FRMD5: variants seen among roughly 807,000 people sequenced by gnomAD.
The protein encoded by FRMD5 is FERM domain-containing protein 5.
FRMD5 carries 20 observed loss-of-function variants against 69.0 expected under a neutral mutation model. The observed-to-expected ratio is 0.29, with a 90% CI of 0.20 to 0.42. The LOEUF is 0.42. FRMD5 is among the 10% of genes least tolerant of loss of function. The pLI, the probability that FRMD5 is intolerant of heterozygous loss-of-function variation, is 1.00. For missense variants in FRMD5, 595 were observed against 708.6 expected (o/e 0.84, Z 1.82); for synonymous variants, 271 against 260.1 (o/e 1.04, Z -0.40).
intron 1 of FRMD5, among the ~76,000 whole-genome samples, chr15:44,020,855 A>AATC (rs940161465): frequency 1.3e-5 from 2 of 152,208 alleles, no homozygotes; most frequent in African/African-American, 4.8e-5. Flanking sequence ...ATCAACATGA[A>AATC]ATCACTGAAC....
chr15:44,037,327 T>C (rs1891962826), intron 1 of FRMD5, among the ~76,000 whole-genome samples: 1 of 152,204 alleles, frequency 6.6e-6, no homozygotes, highest in Admixed American at 6.5e-5. Flanking sequence ...TCATCCTTTT[T>C]TATGGCTGCC....
At position 43,918,109 on chromosome 15, in the gene FRMD5, G is replaced by A. The variant is rs2089426433; in HGVS notation, c.329+1350C>T. 3.3e-5 allele frequency among the ~76,000 whole-genome samples: 5 copies of A among 152,110 alleles called. 1 individual carries two copies. In the South Asian group the frequency reaches 8.3e-4, roughly 25 times the overall value. On this transcript the variant is annotated intron_variant, in intron 4 of 13. Transcript: ENST00000417257. ...GAGAAATTTTTGCTCCTTTCACCTG[G>A]CATGCTCTTTAGATCAGGAAATGAA... is the stretch of plus-strand genomic sequence containing the variant.
chr15:43,984,234 C>T (rs1566879335), intron 1 of FRMD5, among the ~76,000 whole-genome samples: 1 of 152,136 alleles, frequency 6.6e-6, no homozygotes, highest in Non-Finnish European at 1.5e-5. Context: ...AACCTGAAGG[C>T]CAGAGTCTTC....
chr15:43,961,180 G>C (rs1377790790), intron 1 of FRMD5, among the ~76,000 whole-genome samples: 8 of 152,044 alleles, frequency 5.3e-5, no homozygotes, highest in Non-Finnish European at 4.4e-5. Flanking sequence ...GAAGAAAAGA[G>C]AGAAGAATCA....
intron 1 of FRMD5, among the ~76,000 whole-genome samples, chr15:44,018,554 T>C (rs1393883414): frequency 6.6e-6 from 1 of 152,142 alleles, no homozygotes; most frequent in Non-Finnish European, 1.5e-5. Context: ...TGTCACTAAG[T>C]TCTCAATCTA....
At chr15:43,991,471 T>G (rs1889673927) in intron 1 of FRMD5, among the ~76,000 whole-genome samples, 1 of 152,216 alleles carries the variant, frequency 6.6e-6, no homozygotes, top group African/African-American at 2.4e-5. Context: ...GCTGCTGCAT[T>G]CTGTGCCCTC....
chr15:44,184,193 A>G (rs1325187282), intron 1 of FRMD5, among the ~76,000 whole-genome samples: 1 of 152,164 alleles, frequency 6.6e-6, no homozygotes, highest in Non-Finnish European at 1.5e-5. Context: ...CTGGCCATGG[A>G]AAGTCCACCT....
chr15:44,084,250 CCT>C (rs1894104181), intron 1 of FRMD5, among the ~76,000 whole-genome samples: 1 of 151,952 alleles, frequency 6.6e-6, no homozygotes, highest in Non-Finnish European at 1.5e-5. Context: ...ATACATACCC[CCT>C]GTTTTGCAAG....
At chr15:44,051,768 G>A (rs776592973) in intron 1 of FRMD5, among the ~76,000 whole-genome samples, 18 of 151,944 alleles carry the variant, frequency 1.2e-4, no homozygotes, top group Non-Finnish European at 2.1e-4. Flanking sequence ...TCTCTCAGTG[G>A]GGATTTGTCT....
intron 1 of FRMD5, among the ~76,000 whole-genome samples, chr15:44,005,385 C>T (rs1890391852): frequency 7.0e-6 from 1 of 142,886 alleles, no homozygotes. Context: ...GCAGGAGAAT[C>T]ACTTGAACCC....
At chr15:43,974,172 A>G (rs1026609247) in intron 1 of FRMD5, among the ~76,000 whole-genome samples, 2 of 152,140 alleles carry the variant, frequency 1.3e-5, no homozygotes, top group Admixed American at 6.6e-5. Context: ...ATGGTCCTCT[A>G]GTGAAAGTGA....
chr15:44,072,239 C>T (rs1005306235), intron 1 of FRMD5, among the ~76,000 whole-genome samples: 2 of 152,170 alleles, frequency 1.3e-5, no homozygotes, highest in African/African-American at 2.4e-5. Context: ...TTAGACCTAT[C>T]GACCTCGTAA....
At chr15:44,012,108 C>T (rs977844507) in intron 1 of FRMD5, among the ~76,000 whole-genome samples, 1 of 152,074 alleles carries the variant, frequency 6.6e-6, no homozygotes, top group Non-Finnish European at 1.5e-5. Context: ...TTTAAGGATT[C>T]AGCAGATACT....
chr15:43,886,264 T>G (rs1447623093), intron 10 of FRMD5, among the ~76,000 whole-genome samples: 1 of 151,978 alleles, frequency 6.6e-6, no homozygotes, highest in Non-Finnish European at 1.5e-5. Context: ...GAGAAGAGGG[T>G]GGGGGCTGTC....
intron 1 of FRMD5, among the ~76,000 whole-genome samples, chr15:44,053,482 A>T (rs1365704608): frequency 6.6e-6 from 1 of 152,180 alleles, no homozygotes; most frequent in Admixed American, 6.6e-5. Flanking sequence ...TAGCAGAAAA[A>T]GATGATGCTA....
At chr15:44,006,685 G>A (rs1468771995) in intron 1 of FRMD5, among the ~76,000 whole-genome samples, 2 of 152,150 alleles carry the variant, frequency 1.3e-5, no homozygotes, top group African/African-American at 4.8e-5. Context: ...AGTGGAGGAA[G>A]TAACTGCAGA....
intron 1 of FRMD5, among the ~76,000 whole-genome samples, chr15:44,131,408 A>G (rs1271058038): frequency 6.6e-6 from 1 of 152,038 alleles, no homozygotes; most frequent in African/African-American, 2.4e-5. Context: ...AAAAAAATCA[A>G]AATATAATTA....
chr15:44,093,205 T>C (rs1355841570), intron 1 of FRMD5, among the ~76,000 whole-genome samples: 11 of 152,102 alleles, frequency 7.2e-5, no homozygotes, highest in Non-Finnish European at 1.0e-4. Context: ...GCTGGTATTA[T>C]GGGCGTGAGC....
At chr15:43,972,635 G>A (rs562915848) in intron 1 of FRMD5, among the ~76,000 whole-genome samples, 1 of 152,104 alleles carries the variant, frequency 6.6e-6, no homozygotes, top group Non-Finnish European at 1.5e-5. Flanking sequence ...TTGGCCGGGT[G>A]CCCTTGTACA....
Sources: gnomAD v4.1 joint callset for allele counts (sites outside exome capture counted in the v4.1 genomes callset) on GRCh38, gnomAD v4.1.1 for gene constraint, MANE v1.5 for transcripts, NCBI Gene and HGNC (gene_info 2026-07-23, HGNC 2026-07-21) for gene names.